SERPINI1: variants seen among roughly 807,000 people sequenced by gnomAD.
SERPINI1 encodes neuroserpin.
SERPINI1 carries 19 observed loss-of-function variants against 41.1 expected under a neutral mutation model. The observed-to-expected ratio is 0.46, with a 90% CI of 0.32 to 0.68. The LOEUF (loss-of-function observed/expected upper bound fraction) is 0.68. Ranked by LOEUF, SERPINI1 falls within the 30% of genes least tolerant of loss-of-function variation. The pLI is 0.03. For synonymous variants in SERPINI1, 138 were observed against 156.6 expected (o/e 0.88, Z 0.89); for missense variants, 460 against 479.2 (o/e 0.96, Z 0.37).
intron 6 of SERPINI1, among the ~76,000 whole-genome samples, chr3:167,808,917 G>A (rs1051103791): frequency 6.6e-5 from 10 of 152,272 alleles, no homozygotes; most frequent in South Asian, 2.1e-4. Flanking sequence ...AGGATTGAAC[G>A]TGTTGTTTTC....
intron 1 of SERPINI1, among the ~76,000 whole-genome samples, chr3:167,756,331 C>T (rs1259584826): frequency 6.6e-6 from 1 of 152,142 alleles, no homozygotes; most frequent in Non-Finnish European, 1.5e-5. Flanking sequence ...ATGTCTCACT[C>T]TGCTTGCCCA....
chr3:167,819,926 G>GA (rs1018023998), intron 6 of SERPINI1, among the ~76,000 whole-genome samples: 3 of 152,126 alleles, frequency 2.0e-5, no homozygotes, highest in Admixed American at 2.0e-4. Flanking sequence ...GTGCTCTTTC[G>GA]AAAAATGTAT....
Position 167,822,367 on chromosome 3 carries a change from A to G in SERPINI1, c.980-619A>G, listed in dbSNP as rs1323505309. Among the ~76,000 whole-genome samples, 4 of 152,214 alleles carry G rather than the reference A, an allele frequency of 2.6e-5. No individual in the cohort carries two copies. The East Asian group carries it at 5.8e-4, about 22-fold the overall frequency. ...AGCCATTACCTTAAAACAGGCATAA[A>G]TAGGAAGGGAAAAACAGTCCTCCTA... On this transcript the variant is annotated intron_variant, in intron 6 of 8. Coordinates refer to ENST00000446050, the MANE Select transcript of SERPINI1 (RefSeq NM_001122752.2).
At chr3:167,752,479 G>C (rs1726075270) in intron 1 of SERPINI1, among the ~76,000 whole-genome samples, 1 of 151,952 alleles carries the variant, frequency 6.6e-6, no homozygotes, top group East Asian at 1.9e-4. Flanking sequence ...TGTTACCTCT[G>C]TCTTGTCCAA....
chr3:167,774,061 T>G (rs1459304841), intron 1 of SERPINI1, among the ~76,000 whole-genome samples: 1 of 151,768 alleles, frequency 6.6e-6, no homozygotes, highest in East Asian at 1.9e-4. Context: ...AAAAGAATTC[T>G]TAGAGGAAAT....
intron 1 of SERPINI1, among the ~76,000 whole-genome samples, chr3:167,755,847 A>G (rs71304648): frequency 0.021 from 2,973 of 139,196 alleles, 45 homozygotes; most frequent in Non-Finnish European, 0.032. Flanking sequence ...CCCCAGCTGC[A>G]TGACGGATGA....
At chr3:167,806,216 A>C (rs1316729325) in intron 5 of SERPINI1, among the ~76,000 whole-genome samples, 3 of 152,044 alleles carry the variant, frequency 2.0e-5, no homozygotes, top group Non-Finnish European at 4.4e-5. Context: ...GCAAACTAAC[A>C]CAGGAGCAGA....
In SERPINI1 at chr3:167,819,679, A is replaced by T. The variant is rs143995414; in HGVS notation, c.980-3307A>T. 6.2e-3 allele frequency among the ~76,000 whole-genome samples: 937 copies of T among 152,344 alleles called. 9 individuals carry two copies. Among genetic ancestry groups the T allele is most frequent in the African/African-American group, 0.014 (592 of 41,570 alleles). ...TGTAACAGATGTACCAAAATGTTGAAAATCCTTCCTTATATGTACAAGATA... is the reference window on the plus strand; with the variant it reads ...TGTAACAGATGTACCAAAATGTTGATAATCCTTCCTTATATGTACAAGATA... On this transcript the variant is annotated intron_variant, in intron 6 of 8. Transcript: ENST00000446050.
At chr3:167,738,362 C>A (rs1438162314) in intron 1 of SERPINI1, among the ~76,000 whole-genome samples, 1 of 152,016 alleles carries the variant, frequency 6.6e-6, no homozygotes, top group Non-Finnish European at 1.5e-5. Flanking sequence ...TGATTCTAAG[C>A]CTTTTGAGTA....
intron 1 of SERPINI1, among the ~76,000 whole-genome samples, chr3:167,781,541 C>T (rs1392006094): frequency 6.6e-6 from 1 of 151,120 alleles, no homozygotes; most frequent in Non-Finnish European, 1.5e-5. Flanking sequence ...ATTACTAGTC[C>T]TTTACATACA....
chr3:167,813,444 A>G (rs532422572), intron 6 of SERPINI1, among the ~76,000 whole-genome samples: 1 of 152,260 alleles, frequency 6.6e-6, no homozygotes, highest in East Asian at 1.9e-4. Flanking sequence ...CTCCAGCTGG[A>G]CCTTCAAGAG....
At chr3:167,781,877 G>A (rs2108552088) in intron 1 of SERPINI1, among the ~76,000 whole-genome samples, 1 of 152,046 alleles carries the variant, frequency 6.6e-6, no homozygotes, top group African/African-American at 2.4e-5. Flanking sequence ...TTTCAGTTTT[G>A]TGATTCATCA....
intron 5 of SERPINI1, among the ~76,000 whole-genome samples, chr3:167,802,324 T>A (rs1727926530): frequency 6.6e-6 from 1 of 151,436 alleles, no homozygotes; most frequent in South Asian, 2.1e-4. Flanking sequence ...CAAACTACCA[T>A]CAGAGTGAAC....
intron 6 of SERPINI1, among the ~76,000 whole-genome samples, chr3:167,815,658 G>A (rs1712055374): frequency 6.6e-6 from 1 of 152,140 alleles, no homozygotes; most frequent in South Asian, 2.1e-4. Context: ...CCAAAGTGCT[G>A]GGATTACAGG....
chr3:167,793,596 A>ATATATTTTTTTTT, intron 4 of SERPINI1, among the ~76,000 whole-genome samples: 1 of 140,616 alleles, frequency 7.1e-6, no homozygotes, highest in African/African-American at 2.7e-5. Context: ...ATATATATAT[A>ATATATTTTTTTTT]TTTTTAATTA....
intron 4 of SERPINI1, 99 bp from the exon 5 acceptor site, chr3:167,794,521 G>A (rs983874468): frequency 5.4e-6 from 5 of 925,244 alleles, no homozygotes; most frequent in Non-Finnish European, 5.0e-6. Flanking sequence ...AAGTACCTGA[G>A]CAGTGTACAC....
chr3:167,812,875 T>C (rs1209402088), intron 6 of SERPINI1, among the ~76,000 whole-genome samples: 1 of 152,178 alleles, frequency 6.6e-6, no homozygotes. Context: ...AAAATGCTCA[T>C]CTACTTGCAG....
At chr3:167,775,153 G>A (rs1726921486) in intron 1 of SERPINI1, among the ~76,000 whole-genome samples, 1 of 117,670 alleles carries the variant, frequency 8.5e-6, no homozygotes, top group Non-Finnish European at 1.8e-5. Flanking sequence ...TGAATTTTAA[G>A]TGTGTGTTCT....
chr3:167,739,478 G>C (rs988863622), intron 1 of SERPINI1, among the ~76,000 whole-genome samples: 1 of 152,180 alleles, frequency 6.6e-6, no homozygotes, highest in Non-Finnish European at 1.5e-5. Flanking sequence ...CACACTGTGT[G>C]CGCTGCAAAT....
Sources: gnomAD v4.1 joint callset for allele counts (sites outside exome capture counted in the v4.1 genomes callset) on GRCh38, gnomAD v4.1.1 for gene constraint, MANE v1.5 for transcripts, NCBI Gene and HGNC (gene_info 2026-07-23, HGNC 2026-07-21) for gene names.